The following CPEB1 variants were observed in gnomAD, a reference collection of about 807,000 sequenced individuals.
CPEB1 encodes the protein cytoplasmic polyadenylation element binding protein 1.
CPEB1 carries 7 observed loss-of-function variants against 65.8 expected under a neutral mutation model. That is an observed-to-expected ratio of 0.11 (90% CI 0.06 to 0.20). The LOEUF (loss-of-function observed/expected upper bound fraction) is 0.20. CPEB1 is among the 10% of genes least tolerant of loss of function. The probability of loss-of-function intolerance (pLI) is 1.00; values close to 1 mark genes in which losing one functional copy is unlikely to be tolerated. For missense variants in CPEB1, 551 were observed against 712.2 expected, an observed-to-expected ratio of 0.77 and a Z score of 2.58; for synonymous variants, 262 against 260.0, an observed-to-expected ratio of 1.01 and a Z score of -0.08.
At chr15:82,571,746 A>C in intron 3 of CPEB1, 3 of 1,387,152 alleles carry the variant, frequency 2.2e-6, no homozygotes, top group Non-Finnish European at 1.9e-6. Flanking sequence ...ACACACCCCT[A>C]TCCCGTCTGC....
chr15:82,552,455 C>A, intron 9 of CPEB1, 25 bp downstream of exon 9: 1 of 1,521,340 alleles, frequency 6.6e-7, no homozygotes. Context: ...ACCCTCGATC[C>A]AGAAAGGACA....
chr15:82,557,582 A>G, intron 5 of CPEB1, 178 bp downstream of exon 5: 1 of 597,184 alleles, frequency 1.7e-6, no homozygotes, highest in Non-Finnish European at 2.9e-6. Context: ...AGCATCCTCT[A>G]TCCTGTTAAG....
At chr15:82,564,043 T>C (rs552798465) in intron 4 of CPEB1, among the ~76,000 whole-genome samples, 5 of 152,178 alleles carry the variant, frequency 3.3e-5, no homozygotes, top group African/African-American at 1.2e-4. Flanking sequence ...AAAATCTGCA[T>C]AGATATTTGC....
chr15:82,606,462 T>TC (rs2043606858), intron 3 of CPEB1, among the ~76,000 whole-genome samples: 2 of 135,524 alleles, frequency 1.5e-5, no homozygotes, highest in African/African-American at 5.6e-5. Flanking sequence ...ACAGGGATAC[T>TC]CCGTCTCAAA....
chr15:82,641,553 A>G (rs1421052029), intron 1 of CPEB1: 1 of 151,978 alleles, frequency 6.6e-6, no homozygotes, highest in East Asian at 1.9e-4. Flanking sequence ...AACAAGTAAC[A>G]CTCTTAGTCA....
intron 3 of CPEB1, among the ~76,000 whole-genome samples, chr15:82,584,759 T>C (rs1044746082): frequency 1.7e-4 from 26 of 150,552 alleles, no homozygotes; most frequent in Admixed American, 1.3e-4. Context: ...ATATAAAAAA[T>C]TAACACAAAG....
chr15:82,605,722 A>G (rs2043520946), intron 3 of CPEB1, among the ~76,000 whole-genome samples: 1 of 152,204 alleles, frequency 6.6e-6, no homozygotes, highest in South Asian at 2.1e-4. Flanking sequence ...ATAAATCTGT[A>G]TTGATAGGCA....
At chr15:82,564,236 T>G (rs1413691803) in intron 4 of CPEB1, among the ~76,000 whole-genome samples, 1 of 152,250 alleles carries the variant, frequency 6.6e-6, no homozygotes, top group Non-Finnish European at 1.5e-5. Context: ...GGCCCTACCC[T>G]TTTCTATCAA....
At chr15:82,607,109 T>A (rs1363566698) in intron 3 of CPEB1, among the ~76,000 whole-genome samples, 1 of 151,870 alleles carries the variant, frequency 6.6e-6, no homozygotes, top group Non-Finnish European at 1.5e-5. Flanking sequence ...AATGGAAGAA[T>A]AGGGGGAAAA....
At chr15:82,557,723 C>T (rs1427652040) in intron 5 of CPEB1, 37 bp downstream of exon 5, 1 of 1,582,782 alleles carries the variant, frequency 6.3e-7, no homozygotes, top group Non-Finnish European at 8.7e-7. Context: ...ACAGGCAACT[C>T]CACCCACAAC....
rs2150896436 is a variant in CPEB1 at position 82,543,266 on chromosome 15, G to T, written c.*1326C>A. The stretch of plus-strand genomic sequence containing the variant: ...CACAGCTTACTCCACACATCTGTAG[G>T]AGAGTGCAGTCTTGCCTGCATATAC... On this transcript the variant is annotated 3_prime_UTR_variant, in exon 13 of 13. Coordinates refer to ENST00000684509, the MANE Select transcript of CPEB1 (RefSeq NM_001365242.1). 2 of 152,550 alleles carry T rather than the reference G, an allele frequency of 1.3e-5. No individual in the cohort carries two copies. The highest frequency in any genetic ancestry group is 1.3e-4 in the Admixed American group (2 of 15,276). The allele number at this position is 152,550 out of a possible 1,614,324, so 9.4% of individuals were successfully genotyped here.
At chr15:82,585,644 G>C (rs1034426877) in intron 3 of CPEB1, among the ~76,000 whole-genome samples, 1 of 152,042 alleles carries the variant, frequency 6.6e-6, no homozygotes, top group Non-Finnish European at 1.5e-5. Flanking sequence ...TTCAAAACCC[G>C]AGCCCTTCCC....
At chr15:82,619,884 G>T (rs923078346) in intron 3 of CPEB1, among the ~76,000 whole-genome samples, 1 of 151,882 alleles carries the variant, frequency 6.6e-6, no homozygotes, top group African/African-American at 2.4e-5. Context: ...ATAAACATAC[G>T]TATACCCTAT....
At chr15:82,582,430 C>T (rs1475205357) in intron 3 of CPEB1, among the ~76,000 whole-genome samples, 1 of 152,188 alleles carries the variant, frequency 6.6e-6, no homozygotes. Context: ...AGCTTAAAGA[C>T]CACCTTGTCA....
intron 10 of CPEB1, among the ~76,000 whole-genome samples, chr15:82,547,916 GC>G (rs2035550755): frequency 6.6e-6 from 1 of 151,892 alleles, no homozygotes; most frequent in Admixed American, 6.6e-5. Flanking sequence ...CAAACGATCT[GC>G]CCCACCTCGG....
intron 7 of CPEB1, 85 bp downstream of exon 7, chr15:82,553,793 C>T (rs531414899): frequency 1.0e-6 from 1 of 990,814 alleles, no homozygotes; most frequent in African/African-American, 1.6e-5. Context: ...GGGCATTCAG[C>T]CCCTGGCCTC....
At chr15:82,549,783 T>A (rs1051122037) in intron 9 of CPEB1, 125 bp from the exon 10 acceptor site, 5 of 883,702 alleles carry the variant, frequency 5.7e-6, no homozygotes, top group Admixed American at 2.4e-5. Context: ...GGTGAAAAGG[T>A]GCTGTTGCCC....
intron 3 of CPEB1, among the ~76,000 whole-genome samples, chr15:82,618,870 T>C (rs1186240719): frequency 6.6e-6 from 1 of 152,224 alleles, no homozygotes; most frequent in Admixed American, 6.5e-5. Flanking sequence ...ACATATCCAT[T>C]ATCCAGAACT....
chr15:82,560,616 C>T (rs149320203), intron 4 of CPEB1, among the ~76,000 whole-genome samples: 1 of 152,220 alleles, frequency 6.6e-6, no homozygotes, highest in Non-Finnish European at 1.5e-5. Flanking sequence ...TGGTCTCGAA[C>T]TCCTGAGCTC....
Sources: allele counts gnomAD v4.1 joint callset (sites outside exome capture counted in the v4.1 genomes callset), GRCh38; gene constraint gnomAD v4.1.1; transcripts MANE v1.5; gene names NCBI Gene and HGNC (gene_info 2026-07-23, HGNC 2026-07-21).